SLC4A5: variants seen among roughly 807,000 people sequenced by gnomAD.
SLC4A5 encodes solute carrier family 4 member 5.
Under a neutral mutation model 120.4 loss-of-function variants are expected in SLC4A5, and 96 were observed. The observed-to-expected ratio is 0.80, with a 90% CI of 0.68 to 0.94. SLC4A5 has a LOEUF of 0.94. Among genes scored for constraint, SLC4A5 ranks in the 40% least tolerant of loss-of-function variants. The pLI, the probability that SLC4A5 is intolerant of heterozygous loss-of-function variation, is 0.00. For missense variants in SLC4A5, 1,259 were observed against 1,459.5 expected (o/e 0.86, Z 2.24); for synonymous variants, 550 against 571.1 (o/e 0.96, Z 0.53).
intron 6 of SLC4A5, among the ~76,000 whole-genome samples, chr2:74,311,082 A>T (rs1573090819): frequency 1.3e-5 from 2 of 152,056 alleles, no homozygotes; most frequent in Non-Finnish European, 2.9e-5. Context: ...TAAGTTATCA[A>T]ATTTGTAGGC....
intron 30 of SLC4A5, among the ~76,000 whole-genome samples, chr2:74,220,545 C>A (rs948446653): frequency 1.3e-5 from 2 of 151,968 alleles, no homozygotes; most frequent in Admixed American, 1.3e-4. Context: ...GAGATGGAGT[C>A]TTGCTCTGTT....
chr2:74,340,549 T>C (rs1458747505), intron 2 of SLC4A5, among the ~76,000 whole-genome samples: 3 of 151,676 alleles, frequency 2.0e-5, no homozygotes, highest in Non-Finnish European at 2.9e-5. Flanking sequence ...CATGGGGCCA[T>C]GAGGATGAGA....
chr2:74,219,771 C>T (rs1242415606), intron 30 of SLC4A5, among the ~76,000 whole-genome samples: 1 of 151,962 alleles, frequency 6.6e-6, no homozygotes, highest in African/African-American at 2.4e-5. Context: ...TCTCATAATA[C>T]CGGTGTATAC....
intron 7 of SLC4A5, among the ~76,000 whole-genome samples, chr2:74,286,158 G>A (rs1300927195): frequency 6.6e-6 from 1 of 152,206 alleles, no homozygotes; most frequent in African/African-American, 2.4e-5. Flanking sequence ...AGTGAAGAAT[G>A]ATGGGAAATG....
Position 74,250,552 on chromosome 2 carries a change from C to T in SLC4A5, c.1479-35G>A, listed in dbSNP as rs199852497. On this transcript the variant is annotated intron_variant, in intron 16 of 30. Coordinates refer to ENST00000394019, the Ensembl canonical transcript of SLC4A5. ...ACAGGCCCAGGGGCTGCTTTCTCAC[C>T]ACTAACACCAGTGCAGGGGCAGGGC... 118 of 1,612,086 alleles carry T rather than the reference C, an allele frequency of 7.3e-5. No individual in the cohort carries two copies. The East Asian group carries it at 2.3e-3, about 31-fold the overall frequency.
chr2:74,240,278 A>G (rs373953375), intron 20 of SLC4A5, among the ~76,000 whole-genome samples: 1 of 151,942 alleles, frequency 6.6e-6, no homozygotes, highest in Non-Finnish European at 1.5e-5. Context: ...ATCGCATTCT[A>G]CTTCCTCTTT....
chr2:74,239,187 G>A (rs1235648970), intron 21 of SLC4A5, 148 bp downstream of exon 21: 2 of 675,642 alleles, frequency 3.0e-6, no homozygotes, highest in African/African-American at 1.8e-5. Context: ...AGCCAACAAG[G>A]GAACACAGTT....
At chr2:74,287,588 A>C (rs1672023245) in intron 7 of SLC4A5, among the ~76,000 whole-genome samples, 1 of 152,132 alleles carries the variant, frequency 6.6e-6, no homozygotes, top group Admixed American at 6.5e-5. Context: ...GCAAGTCTCA[A>C]GTGCGGCATC....
At chr2:74,222,837 A>G in intron 29 of SLC4A5, 31 bp downstream of exon 29, 1 of 1,551,940 alleles carries the variant, frequency 6.4e-7, no homozygotes, top group Non-Finnish European at 8.9e-7. Context: ...ACTAGTAGTA[A>G]GAAGGGAGAG....
intron 27 of SLC4A5, 101 bp from the exon 28 acceptor site, chr2:74,225,096 G>T: frequency 8.7e-7 from 1 of 1,147,564 alleles, no homozygotes. Flanking sequence ...AGTCGGCTGA[G>T]TTCAGGGACT....
exon 31 of SLC4A5, chr2:74,218,720 C>G (rs1289710685): frequency 4.8e-4 from 73 of 152,678 alleles, no homozygotes; most frequent in Non-Finnish European, 4.4e-5. Flanking sequence ...CCTGTGGCAC[C>G]ATGAACACTG....
intron 8 of SLC4A5, among the ~76,000 whole-genome samples, chr2:74,277,571 A>T (rs1671684590): frequency 6.6e-6 from 1 of 152,186 alleles, no homozygotes; most frequent in Admixed American, 6.5e-5. Context: ...ATAAAAAAAA[A>T]AATAAAGTAC....
chr2:74,289,880 T>A (rs1272291578), intron 7 of SLC4A5, among the ~76,000 whole-genome samples: 20 of 152,046 alleles, frequency 1.3e-4, no homozygotes, highest in Admixed American at 1.3e-3. Flanking sequence ...AAATAAAATA[T>A]AAAATAAAAT....
At chr2:74,327,563 T>A (rs1391737130) in intron 5 of SLC4A5, among the ~76,000 whole-genome samples, 1 of 152,152 alleles carries the variant, frequency 6.6e-6, no homozygotes, top group Non-Finnish European at 1.5e-5. Context: ...CTAAGAAAAC[T>A]AGCAGTAGCA....
At chr2:74,278,741 A>G (rs1471740889) in intron 8 of SLC4A5, among the ~76,000 whole-genome samples, 3 of 152,264 alleles carry the variant, frequency 2.0e-5, no homozygotes, top group Non-Finnish European at 4.4e-5. Flanking sequence ...AAGCAGCTGG[A>G]TAATGACAAA....
chr2:74,270,671 T>TCAAAA (rs573269084), intron 8 of SLC4A5, among the ~76,000 whole-genome samples: 28 of 152,220 alleles, frequency 1.8e-4, no homozygotes, highest in Middle Eastern at 3.4e-3. Flanking sequence ...AGACTCCGTC[T>TCAAAA]CAAAACAAAA....
intron 6 of SLC4A5, among the ~76,000 whole-genome samples, chr2:74,308,625 TC>T (rs1672718823): frequency 6.6e-6 from 1 of 152,208 alleles, no homozygotes; most frequent in Non-Finnish European, 1.5e-5. Context: ...AAGTCTTTTA[TC>T]AGATACATGC....
At chr2:74,287,055 C>A (rs1487263153) in intron 7 of SLC4A5, among the ~76,000 whole-genome samples, 3 of 152,158 alleles carry the variant, frequency 2.0e-5, no homozygotes, top group Admixed American at 2.0e-4. Context: ...TTTTCAGGAA[C>A]CCCACTGCCC....
chr2:74,217,796 G>A (rs564580228), exon 31 of SLC4A5: 24 of 152,310 alleles, frequency 1.6e-4, no homozygotes, highest in African/African-American at 5.3e-4. Context: ...CCATAATGCA[G>A]ATGGTTCAAA....
Sources: allele counts gnomAD v4.1 joint callset (sites outside exome capture counted in the v4.1 genomes callset), GRCh38; gene constraint gnomAD v4.1.1; transcripts MANE v1.5; gene names NCBI Gene and HGNC (gene_info 2026-07-23, HGNC 2026-07-21).